The following ERC2 variants were observed in gnomAD, a reference collection of about 807,000 sequenced individuals.
ERC2 encodes the protein ERC protein 2.
A neutral mutation model predicts 114.8 loss-of-function variants in ERC2; 42 were observed. The observed-to-expected ratio is 0.37, with a 90% CI of 0.29 to 0.47. The LOEUF is 0.47. ERC2 is among the 20% of genes least tolerant of loss of function. The pLI, the probability that ERC2 is intolerant of heterozygous loss-of-function variation, is 0.99. For synonymous variants in ERC2, 454 were observed against 425.5 expected (o/e 1.07, Z -0.82); for missense variants, 939 against 1,150.7 (o/e 0.82, Z 2.66).
intron 14 of ERC2, among the ~76,000 whole-genome samples, chr3:55,804,416 T>C (rs528412680): frequency 1.3e-5 from 2 of 152,270 alleles, no homozygotes; most frequent in East Asian, 3.9e-4. Flanking sequence ...CGGTTTGCCT[T>C]AGAAAGAACA....
At position 56,462,619 on chromosome 3, in the gene ERC2, C is replaced by A. The variant is rs551857784; in HGVS notation, c.-141+5629G>T. Among the ~76,000 whole-genome samples, 5 of 152,278 alleles carry A rather than the reference C, an allele frequency of 3.3e-5. No homozygotes were observed. In the East Asian group the frequency reaches 9.7e-4, roughly 29 times the overall value. On this transcript the variant is annotated intron_variant, in intron 1 of 17. Coordinates refer to ENST00000288221, the MANE Select transcript of ERC2 (RefSeq NM_015576.3). ...GCACAGCCAGAGGCAAGATGATGAT[C>A]CTGAAAGTCAAAATGATGTTGTTTT... is the stretch of plus-strand genomic sequence containing the variant.
chr3:56,367,293 C>A (rs2059186931), intron 2 of ERC2, among the ~76,000 whole-genome samples: 1 of 150,716 alleles, frequency 6.6e-6, no homozygotes, highest in African/African-American at 2.5e-5. Context: ...CATGCAGAAG[C>A]CTCCAAACAG....
chr3:55,828,955 T>C (rs2060453440), intron 14 of ERC2, among the ~76,000 whole-genome samples: 1 of 152,002 alleles, frequency 6.6e-6, no homozygotes, highest in Non-Finnish European at 1.5e-5. Context: ...TTGGTCAACA[T>C]AGTGAGATCC....
intron 17 of ERC2, among the ~76,000 whole-genome samples, chr3:55,619,381 G>A (rs956121903): frequency 1.3e-5 from 2 of 152,168 alleles, no homozygotes; most frequent in African/African-American, 4.8e-5. Flanking sequence ...AAAGTGATGT[G>A]TCCTTCACAC....
chr3:55,686,528 A>G (rs1351729319), intron 16 of ERC2, among the ~76,000 whole-genome samples: 3 of 152,170 alleles, frequency 2.0e-5, no homozygotes, highest in African/African-American at 7.2e-5. Flanking sequence ...AGTCTTTCCA[A>G]ACATATGCAG....
At chr3:55,958,003 C>T (rs1448812841) in intron 12 of ERC2, among the ~76,000 whole-genome samples, 1 of 152,224 alleles carries the variant, frequency 6.6e-6, no homozygotes, top group African/African-American at 2.4e-5. Flanking sequence ...CTGTTCAGCT[C>T]TTTCTGTCCC....
intron 6 of ERC2, among the ~76,000 whole-genome samples, chr3:56,124,413 G>T (rs76364503): frequency 1.3e-5 from 2 of 152,118 alleles, no homozygotes; most frequent in Non-Finnish European, 2.9e-5. Context: ...ATCTCTAAAG[G>T]ACTGGCACGA....
In ERC2 at chr3:55,720,121, CT is replaced by C. The variant is rs1466781386; in HGVS notation, c.2712+14649del. 2.9e-3 allele frequency among the ~76,000 whole-genome samples: 69 copies of C among 24,014 alleles called. 15 individuals are homozygous for C. The highest frequency in any genetic ancestry group is 0.011 in the African/African-American group (42 of 3,994). The allele number at this position is 24,014 out of a possible 152,430, so 15.8% of individuals were successfully genotyped here. On this transcript the variant is annotated intron_variant, in intron 15 of 17. Transcript: ENST00000288221. ...TCCCATCCCCCTCCTCCTCCTCCTC[CT>C]TCTTCTTCCTCTTCTTCTTCCTCTT...
intron 17 of ERC2, among the ~76,000 whole-genome samples, chr3:55,596,662 G>T (rs960665193): frequency 1.3e-5 from 2 of 152,110 alleles, no homozygotes; most frequent in African/African-American, 4.8e-5. Context: ...ACACACAAAG[G>T]CTAAAAATAA....
chr3:55,548,382 A>C (rs1409485175), intron 17 of ERC2, among the ~76,000 whole-genome samples: 1 of 152,248 alleles, frequency 6.6e-6, no homozygotes, highest in Non-Finnish European at 1.5e-5. Flanking sequence ...CAGTTGTTAC[A>C]GGAGATGTAA....
In ERC2 at chr3:56,040,636, AC is replaced by A. The variant is rs1227123928; in HGVS notation, c.1642-21606del. Among the ~76,000 whole-genome samples, 58 of 139,038 alleles carry A rather than the reference AC, an allele frequency of 4.2e-4. 1 individual carries two copies. Among genetic ancestry groups the A allele is most frequent in the South Asian group, 1.3e-3 (6 of 4,554 alleles). The allele number at this position is 139,038 out of a possible 152,430, so 91.2% of individuals were successfully genotyped here. On this transcript the variant is annotated intron_variant, in intron 7 of 17. Transcript: ENST00000288221. ...AATATATAGATGTATATGTATATAT[AC>A]ATATATAGATGTATATGTATATATA...
At chr3:56,104,673 G>T (rs2078549971) in intron 6 of ERC2, among the ~76,000 whole-genome samples, 1 of 151,124 alleles carries the variant, frequency 6.6e-6, no homozygotes, top group African/African-American at 2.4e-5. Flanking sequence ...GCCTGTCTGG[G>T]ATTTTGAACC....
chr3:56,048,623 T>C lies in ERC2; in HGVS notation c.1642-29592A>G, dbSNP rs552184587. Among the ~76,000 whole-genome samples the C allele has an allele frequency of 1.2e-4, 18 of 152,234 alleles. No individual in the cohort carries two copies. The East Asian group carries it at 3.3e-3, about 28-fold the overall frequency. ...GAAAAATGTTTCATTAACAAGAAAA[T>C]CAAAGCATCTTCCTTCTCAATATGC... is the stretch of plus-strand genomic sequence containing the variant. On this transcript the variant is annotated intron_variant, in intron 7 of 17. Coordinates refer to ENST00000288221, the MANE Select transcript of ERC2 (RefSeq NM_015576.3).
intron 6 of ERC2, among the ~76,000 whole-genome samples, chr3:56,126,081 C>G (rs1458811200): frequency 6.6e-6 from 1 of 152,170 alleles, no homozygotes; most frequent in Non-Finnish European, 1.5e-5. Flanking sequence ...CCCTCCCCAT[C>G]CCCCTGATTA....
chr3:56,165,940 G>T (rs2082305025), intron 4 of ERC2, among the ~76,000 whole-genome samples: 3 of 151,792 alleles, frequency 2.0e-5, no homozygotes, highest in Non-Finnish European at 4.4e-5. Flanking sequence ...GAACAGAAGT[G>T]ATGGTAACTG....
At chr3:56,373,668 A>G (rs1164739493) in intron 2 of ERC2, among the ~76,000 whole-genome samples, 2 of 152,244 alleles carry the variant, frequency 1.3e-5, no homozygotes, top group Non-Finnish European at 2.9e-5. Flanking sequence ...GCTAGCCAAG[A>G]CCGTCTCTGT....
In ERC2 at chr3:55,856,858, T is replaced by C. The variant is rs576970886; in HGVS notation, c.2564+31531A>G. On this transcript the variant is annotated intron_variant, in intron 14 of 17. Transcript: ENST00000288221. ...TAAAAAGAAATGAAGCATTAATACA[T>C]GCTACAACATGCAGAAACCTTGAAA... Among the ~76,000 whole-genome samples the C allele has an allele frequency of 7.9e-5, 12 of 152,306 alleles. No individual in the cohort carries two copies. The South Asian group carries it at 2.3e-3, about 29-fold the overall frequency.
chr3:56,383,621 T>C lies in ERC2; in HGVS notation c.657+50730A>G, dbSNP rs77915142. Among the ~76,000 whole-genome samples the C allele has an allele frequency of 1.2e-3, 190 of 152,316 alleles. 1 individual carries two copies. In the East Asian group the frequency reaches 0.033, roughly 26 times the overall value. On this transcript the variant is annotated intron_variant, in intron 2 of 17. Transcript: ENST00000288221. ...AGTCAGAAAAGCATCAAATCACATC[T>C]AAGAACTAGGGATTTAATCTCATCC...
intron 15 of ERC2, among the ~76,000 whole-genome samples, chr3:55,706,369 T>G (rs1390885894): frequency 9.6e-6 from 1 of 104,544 alleles, no homozygotes; most frequent in Non-Finnish European, 2.4e-5. Flanking sequence ...CTGTTTTGTT[T>G]GTTTCTGTTT....
Sources: gnomAD v4.1 joint callset for allele counts (sites outside exome capture counted in the v4.1 genomes callset) on GRCh38, gnomAD v4.1.1 for gene constraint, MANE v1.5 for transcripts, NCBI Gene and HGNC (gene_info 2026-07-23, HGNC 2026-07-21) for gene names.